KLF12: variants seen among roughly 807,000 people sequenced by gnomAD.
KLF12 encodes Krueppel-like factor 12.
Under a neutral mutation model 37.8 loss-of-function variants are expected in KLF12, and 9 were observed. The ratio of observed to expected loss-of-function variants is 0.24; its 90% CI spans 0.14 to 0.42. The LOEUF is 0.42. KLF12 is among the 10% of genes least tolerant of loss of function. The pLI is 1.00. For missense variants in KLF12, 411 were observed against 516.0 expected (o/e 0.80, Z 1.97); for synonymous variants, 208 against 202.1 (o/e 1.03, Z -0.25).
chr13:74,070,589 G>A (rs1463156101), intron 1 of KLF12, among the ~76,000 whole-genome samples: 1 of 152,200 alleles, frequency 6.6e-6, no homozygotes, highest in Non-Finnish European at 1.5e-5. Flanking sequence ...AGAGTGAGGG[G>A]AAGGATGGAA....
intron 1 of KLF12, among the ~76,000 whole-genome samples, chr13:74,007,416 C>T (rs529680587): frequency 1.4e-5 from 2 of 142,628 alleles, no homozygotes; most frequent in South Asian, 2.4e-4. Context: ...GGACCACAGG[C>T]GCCCGCCACC....
intron 3 of KLF12, among the ~76,000 whole-genome samples, chr13:73,903,533 T>C (rs1888131122): frequency 6.6e-6 from 1 of 152,350 alleles, no homozygotes; most frequent in Non-Finnish European, 1.5e-5. Context: ...ATTGTATACT[T>C]ACTGGTAAAT....
At chr13:74,141,973 GA>G in the KLF12 span, among the ~76,000 whole-genome samples, 1 of 149,756 alleles carries the variant, frequency 6.7e-6, no homozygotes, top group Non-Finnish European at 1.5e-5. Context: ...CTGGCAAACA[GA>G]AAAAAAAAGA....
intron 1 of KLF12, among the ~76,000 whole-genome samples, chr13:74,074,144 T>A (rs1469871150): frequency 6.6e-6 from 1 of 152,080 alleles, no homozygotes; most frequent in African/African-American, 2.4e-5. Flanking sequence ...GTTTTCTCAT[T>A]CGAGAGAGAG....
At chr13:73,849,177 C>G (rs1177638478) in intron 3 of KLF12, among the ~76,000 whole-genome samples, 1 of 152,048 alleles carries the variant, frequency 6.6e-6, no homozygotes, top group Non-Finnish European at 1.5e-5. Context: ...AGTCTTACTC[C>G]TGAAATCATC....
intron 1 of KLF12, among the ~76,000 whole-genome samples, chr13:74,036,181 C>T (rs1375430413): frequency 2.6e-5 from 4 of 152,174 alleles, no homozygotes; most frequent in African/African-American, 9.7e-5. Context: ...CATTTCCATA[C>T]TTTCAACAAT....
At chr13:74,177,425 T>C in the KLF12 span, among the ~76,000 whole-genome samples, 4 of 152,134 alleles carry the variant, frequency 2.6e-5, no homozygotes, top group Non-Finnish European at 5.9e-5. Flanking sequence ...ATATATTACC[T>C]AGCAAGCAGT....
the KLF12 span, among the ~76,000 whole-genome samples, chr13:74,150,829 G>A: frequency 6.6e-6 from 1 of 152,230 alleles, no homozygotes; most frequent in Non-Finnish European, 1.5e-5. Context: ...ACTAGATAAA[G>A]GAAAGACTCA....
chr13:74,252,278 G>A, the KLF12 span, among the ~76,000 whole-genome samples: 1 of 152,228 alleles, frequency 6.6e-6, no homozygotes, highest in Non-Finnish European at 1.5e-5. Flanking sequence ...CAAGTCAGCT[G>A]ACTTTACCTG....
At chr13:73,728,084 T>C (rs1450079636) in intron 6 of KLF12, among the ~76,000 whole-genome samples, 2 of 152,250 alleles carry the variant, frequency 1.3e-5, no homozygotes, top group Non-Finnish European at 2.9e-5. Flanking sequence ...CATTATGTCT[T>C]TCAAACCATG....
intron 3 of KLF12, among the ~76,000 whole-genome samples, chr13:73,930,206 T>A (rs974967089): frequency 2.0e-5 from 3 of 152,228 alleles, no homozygotes; most frequent in African/African-American, 7.2e-5. Context: ...GCCAGAAACT[T>A]GAATTTTTTC....
At chr13:73,703,997 G>A (rs757874368) in intron 7 of KLF12, among the ~76,000 whole-genome samples, 13 of 152,160 alleles carry the variant, frequency 8.5e-5, no homozygotes, top group Admixed American at 4.6e-4. Flanking sequence ...AAAAGTTCAA[G>A]GTCAAAAGAC....
At chr13:73,889,969 C>G (rs975750103) in intron 3 of KLF12, among the ~76,000 whole-genome samples, 2 of 152,004 alleles carry the variant, frequency 1.3e-5, no homozygotes, top group Non-Finnish European at 2.9e-5. Flanking sequence ...AAAATGTCCT[C>G]TAAGTAATTA....
intron 5 of KLF12, among the ~76,000 whole-genome samples, chr13:73,783,619 T>C (rs1349337745): frequency 6.6e-6 from 1 of 152,136 alleles, no homozygotes; most frequent in Non-Finnish European, 1.5e-5. Context: ...TATGCATGAA[T>C]TAAAAAATTT....
chr13:74,181,771 T>C, the KLF12 span, among the ~76,000 whole-genome samples: 1 of 151,826 alleles, frequency 6.6e-6, no homozygotes, highest in East Asian at 1.9e-4. Flanking sequence ...TATGAGGACC[T>C]TGTTTGGATC....
chr13:74,270,270 G>A, the KLF12 span, among the ~76,000 whole-genome samples: 2 of 152,154 alleles, frequency 1.3e-5, no homozygotes, highest in African/African-American at 4.8e-5. Context: ...GATGACTCAG[G>A]ATTGGGCTGG....
At chr13:73,864,345 T>A (rs1174732675) in intron 3 of KLF12, among the ~76,000 whole-genome samples, 2 of 152,116 alleles carry the variant, frequency 1.3e-5, no homozygotes, top group Non-Finnish European at 2.9e-5. Flanking sequence ...ATTATTAGAT[T>A]TAAGGATTTA....
intron 1 of KLF12, among the ~76,000 whole-genome samples, chr13:74,070,524 T>A (rs1874169923): frequency 6.6e-6 from 1 of 152,134 alleles, no homozygotes; most frequent in South Asian, 2.1e-4. Flanking sequence ...AGATACAACT[T>A]TAGAGACTGG....
chr13:73,756,628 G>A (rs1879186326), intron 6 of KLF12, among the ~76,000 whole-genome samples: 1 of 152,138 alleles, frequency 6.6e-6, no homozygotes, highest in African/African-American at 2.4e-5. Context: ...TAATTTAAAG[G>A]TAGGGCAAAT....
Sources: gnomAD v4.1 joint callset for allele counts (sites outside exome capture counted in the v4.1 genomes callset) on GRCh38, gnomAD v4.1.1 for gene constraint, MANE v1.5 for transcripts, NCBI Gene and HGNC (gene_info 2026-07-23, HGNC 2026-07-21) for gene names.